CHRM3: variants seen among roughly 807,000 people sequenced by gnomAD.
CHRM3 encodes the protein muscarinic acetylcholine receptor M3.
In CHRM3, 11 loss-of-function variants were observed where a neutral mutation model predicts 41.8. The ratio of observed to expected loss-of-function variants is 0.26; its 90% CI spans 0.17 to 0.44. CHRM3 has a LOEUF of 0.44. CHRM3 is among the 20% of genes least tolerant of loss of function. The pLI is 1.00. For synonymous variants in CHRM3, 297 were observed against 301.4 expected (o/e 0.99, Z 0.15); for missense variants, 571 against 745.4 (o/e 0.77, Z 2.72).
At chr1:239,631,973 G>T (rs1573026198) in intron 3 of CHRM3, among the ~76,000 whole-genome samples, 1 of 152,280 alleles carries the variant, frequency 6.6e-6, no homozygotes, top group Admixed American at 6.5e-5. Flanking sequence ...GTGAGGAGCT[G>T]TAGAATGAGG....
At chr1:239,883,886 T>G (rs1212509965) in intron 6 of CHRM3, among the ~76,000 whole-genome samples, 1 of 152,246 alleles carries the variant, frequency 6.6e-6, no homozygotes, top group Non-Finnish European at 1.5e-5. Flanking sequence ...TCTTTTGAAG[T>G]ATTTTTGAAA....
intron 3 of CHRM3, among the ~76,000 whole-genome samples, chr1:239,619,676 G>C (rs561057367): frequency 6.6e-6 from 1 of 152,122 alleles, no homozygotes; most frequent in Non-Finnish European, 1.5e-5. Context: ...AAAACTACAG[G>C]TACATTTTTC....
At chr1:239,454,563 G>A (rs1222280605) in intron 1 of CHRM3, among the ~76,000 whole-genome samples, 5 of 151,552 alleles carry the variant, frequency 3.3e-5, no homozygotes, top group Non-Finnish European at 4.4e-5. Flanking sequence ...AGCACTTCTC[G>A]CCTTTCCAGG....
chr1:239,452,337 C>G (rs1471742442), intron 1 of CHRM3, among the ~76,000 whole-genome samples: 2 of 152,206 alleles, frequency 1.3e-5, no homozygotes. Flanking sequence ...CCATGAATAT[C>G]TACAGCAATA....
intron 1 of CHRM3, among the ~76,000 whole-genome samples, chr1:239,474,776 G>A (rs539326975): frequency 1.3e-5 from 2 of 152,060 alleles, no homozygotes; most frequent in Non-Finnish European, 2.9e-5. Context: ...TGCATACAAA[G>A]AACCTATTTA....
intron 3 of CHRM3, among the ~76,000 whole-genome samples, chr1:239,570,728 T>C (rs1661750782): frequency 6.6e-6 from 1 of 152,066 alleles, no homozygotes; most frequent in African/African-American, 2.4e-5. Flanking sequence ...AATTATATAG[T>C]CTGCTCAAAA....
chr1:239,660,441 A>G (rs917227346), intron 4 of CHRM3, among the ~76,000 whole-genome samples: 2 of 152,192 alleles, frequency 1.3e-5, no homozygotes, highest in African/African-American at 4.8e-5. Context: ...CTCATTGTCT[A>G]GCTCTTCTGA....
At chr1:239,780,978 T>C (rs2148799534) in intron 5 of CHRM3, among the ~76,000 whole-genome samples, 1 of 152,254 alleles carries the variant, frequency 6.6e-6, no homozygotes, top group South Asian at 2.1e-4. Context: ...TTAATCTGTC[T>C]GTCCTTTCAC....
intron 5 of CHRM3, among the ~76,000 whole-genome samples, chr1:239,693,732 G>T (rs1447023292): frequency 2.0e-5 from 3 of 152,172 alleles, no homozygotes; most frequent in Non-Finnish European, 2.9e-5. Flanking sequence ...AAAGGCTGAG[G>T]TCAGCCCATA....
In CHRM3 at chr1:239,603,227, A is replaced by T. The variant is rs1283336655; in HGVS notation, c.-312-28997A>T. 2.6e-5 allele frequency among the ~76,000 whole-genome samples: 4 copies of T among 152,208 alleles called. No individual in the cohort carries two copies. The South Asian group carries it at 8.3e-4, about 31-fold the overall frequency. On this transcript the variant is annotated intron_variant, in intron 3 of 6. Coordinates refer to ENST00000676153, the MANE Select transcript of CHRM3 (RefSeq NM_001375978.1). Reference sequence around the variant, plus strand: ...ATAATAGGTTTTGTTTTTTGTAAGTATCATATTTTTTATTTTTCATCTCAA... The same window carrying T: ...ATAATAGGTTTTGTTTTTTGTAAGTTTCATATTTTTTATTTTTCATCTCAA...
chr1:239,884,206 A>T (rs185403814), intron 6 of CHRM3, among the ~76,000 whole-genome samples: 4 of 152,252 alleles, frequency 2.6e-5, no homozygotes, highest in Non-Finnish European at 5.9e-5. Context: ...AAGGAGCTTG[A>T]GAGGAAGAGA....
At chr1:239,615,846 C>A (rs757730725) in intron 3 of CHRM3, among the ~76,000 whole-genome samples, 4 of 152,144 alleles carry the variant, frequency 2.6e-5, no homozygotes, top group Non-Finnish European at 5.9e-5. Context: ...AAACTTGGTT[C>A]AGCCAGGGTA....
At chr1:239,395,797 A>G (rs1442617101) in intron 1 of CHRM3, among the ~76,000 whole-genome samples, 1 of 152,190 alleles carries the variant, frequency 6.6e-6, no homozygotes, top group East Asian at 1.9e-4. Context: ...CTCATTGATC[A>G]TATTATTGCC....
intron 2 of CHRM3, among the ~76,000 whole-genome samples, chr1:239,530,730 T>A (rs1670345755): frequency 6.6e-6 from 1 of 152,088 alleles, no homozygotes; most frequent in African/African-American, 2.4e-5. Flanking sequence ...AAAAGCAGTC[T>A]TGAGATGGCA....
chr1:239,581,043 T>TA (rs1184790902), intron 3 of CHRM3, among the ~76,000 whole-genome samples: 1 of 151,868 alleles, frequency 6.6e-6, no homozygotes, highest in African/African-American at 2.4e-5. Flanking sequence ...TTGTCACTTT[T>TA]AAAAAAATCC....
intron 5 of CHRM3, among the ~76,000 whole-genome samples, chr1:239,818,313 A>T (rs1220182364): frequency 6.6e-6 from 1 of 152,182 alleles, no homozygotes; most frequent in East Asian, 1.9e-4. Flanking sequence ...TTATCTCCCT[A>T]AAGGCCCTGT....
intron 6 of CHRM3, among the ~76,000 whole-genome samples, chr1:239,891,392 A>G (rs1678537755): frequency 6.6e-6 from 1 of 151,990 alleles, no homozygotes; most frequent in African/African-American, 2.4e-5. Context: ...TTGCTTTCAC[A>G]TGCCAACTGA....
chr1:239,807,837 CACACACACAT>C (rs1256355857), intron 5 of CHRM3, among the ~76,000 whole-genome samples: 4 of 151,570 alleles, frequency 2.6e-5, no homozygotes, highest in South Asian at 2.1e-4. Context: ...CACACACACA[CACACACACAT>C]ACACACACAC....
At chr1:239,621,183 C>T (rs1487100698) in intron 3 of CHRM3, among the ~76,000 whole-genome samples, 1 of 152,046 alleles carries the variant, frequency 6.6e-6, no homozygotes, top group African/African-American at 2.4e-5. Context: ...TGCCATAAAC[C>T]ACTCCCATAT....
Sources: allele counts gnomAD v4.1 joint callset (sites outside exome capture counted in the v4.1 genomes callset), GRCh38; gene constraint gnomAD v4.1.1; transcripts MANE v1.5; gene names NCBI Gene and HGNC (gene_info 2026-07-23, HGNC 2026-07-21).